CACNA2D3: variants seen among roughly 807,000 people sequenced by gnomAD.
CACNA2D3 encodes the protein voltage-dependent calcium channel subunit alpha-2/delta-3.
CACNA2D3 carries 60 observed loss-of-function variants against 160.6 expected under a neutral mutation model. The ratio of observed to expected loss-of-function variants is 0.37; its 90% CI spans 0.30 to 0.46. The LOEUF (loss-of-function observed/expected upper bound fraction) is 0.46. Ranked by LOEUF, CACNA2D3 falls within the 20% of genes least tolerant of loss-of-function variation. The pLI is 1.00. For missense variants in CACNA2D3, 1,205 were observed against 1,365.0 expected (o/e 0.88, Z 1.85); for synonymous variants, 558 against 492.9 (o/e 1.13, Z -1.75).
intron 17 of CACNA2D3, among the ~76,000 whole-genome samples, chr3:54,856,742 T>C (rs1699180043): frequency 6.6e-6 from 1 of 152,174 alleles, no homozygotes; most frequent in Non-Finnish European, 1.5e-5. Flanking sequence ...AGTTAGATGG[T>C]CAGGGAGACC....
chr3:54,694,134 C>CA (rs1700617919), intron 11 of CACNA2D3, among the ~76,000 whole-genome samples: 1 of 152,180 alleles, frequency 6.6e-6, no homozygotes, highest in African/African-American at 2.4e-5. Context: ...GTGCCCTATA[C>CA]AGGAGTTCCA....
At chr3:54,559,678 A>G (rs1045350270) in intron 5 of CACNA2D3, among the ~76,000 whole-genome samples, 1 of 152,144 alleles carries the variant, frequency 6.6e-6, no homozygotes, top group African/African-American at 2.4e-5. Context: ...CGTACAGATT[A>G]TTTCATCACT....
At position 54,250,089 on chromosome 3, in the gene CACNA2D3, C is replaced by G. The variant is rs1041792072; in HGVS notation, c.205-70353C>G. Among the ~76,000 whole-genome samples, 4 of 152,076 alleles carry G rather than the reference C, an allele frequency of 2.6e-5. No homozygotes were observed. In the East Asian group the frequency reaches 5.8e-4, roughly 22 times the overall value. ...TGGAAAGTAGCTGTGATCAACTAGCCCATTTAGTGTCATTGCCGCAGTTTT... is the reference window on the plus strand; with the variant it reads ...TGGAAAGTAGCTGTGATCAACTAGCGCATTTAGTGTCATTGCCGCAGTTTT... On this transcript the variant is annotated intron_variant, in intron 2 of 37. Transcript: ENST00000474759.
At chr3:54,717,514 G>A (rs572447197) in intron 11 of CACNA2D3, among the ~76,000 whole-genome samples, 8 of 150,890 alleles carry the variant, frequency 5.3e-5, no homozygotes, top group East Asian at 2.0e-4. Flanking sequence ...CTGTGTATGC[G>A]TGTGTGTGTG....
At chr3:54,315,192 T>C (rs1014691529) in intron 2 of CACNA2D3, among the ~76,000 whole-genome samples, 1 of 152,166 alleles carries the variant, frequency 6.6e-6, no homozygotes, top group Non-Finnish European at 1.5e-5. Context: ...TAATTTCTAA[T>C]TGAGGTTCCA....
At chr3:54,166,429 T>C (rs2359784) in intron 2 of CACNA2D3, among the ~76,000 whole-genome samples, 128,038 of 152,220 alleles carry the variant, frequency 0.84, 54,525 homozygotes, top group East Asian at 1. Context: ...AAATTACCCT[T>C]CTGTCCAGAG....
chr3:54,432,769 T>C (rs1700008588), intron 4 of CACNA2D3, among the ~76,000 whole-genome samples: 2 of 152,198 alleles, frequency 1.3e-5, no homozygotes, highest in Non-Finnish European at 2.9e-5. Context: ...CTGGATTCAG[T>C]GTATTTTAAT....
chr3:54,687,801 C>CT (rs899214019), intron 11 of CACNA2D3, among the ~76,000 whole-genome samples: 1 of 152,288 alleles, frequency 6.6e-6, no homozygotes, highest in Non-Finnish European at 1.5e-5. Context: ...TAGTGCAGAG[C>CT]TTTGCAAGCT....
intron 11 of CACNA2D3, among the ~76,000 whole-genome samples, chr3:54,676,909 C>T (rs1363521695): frequency 6.6e-6 from 1 of 152,146 alleles, no homozygotes; most frequent in Non-Finnish European, 1.5e-5. Context: ...AATTTTTTGG[C>T]ACCAAGTAGG....
intron 11 of CACNA2D3, among the ~76,000 whole-genome samples, chr3:54,739,751 ATGTGTGTG>A (rs5849058): frequency 0.067 from 9,732 of 145,854 alleles, 348 homozygotes; most frequent in Non-Finnish European, 0.078. Flanking sequence ...CTCCTCATAT[ATGTGTGTG>A]TGTGTGTGTG....
At chr3:54,267,956 A>C (rs961197228) in intron 2 of CACNA2D3, among the ~76,000 whole-genome samples, 3 of 152,158 alleles carry the variant, frequency 2.0e-5, no homozygotes, top group Non-Finnish European at 4.4e-5. Flanking sequence ...GTTTTTTTGT[A>C]ATGTTTAAAA....
intron 34 of CACNA2D3, among the ~76,000 whole-genome samples, chr3:55,013,989 G>A (rs1295338960): frequency 2.0e-5 from 3 of 152,168 alleles, no homozygotes; most frequent in African/African-American, 7.2e-5. Context: ...TGACATCGGT[G>A]TAACTGGGAT....
intron 2 of CACNA2D3, among the ~76,000 whole-genome samples, chr3:54,244,540 C>G: frequency 6.6e-6 from 1 of 152,138 alleles, no homozygotes; most frequent in East Asian, 1.9e-4. Flanking sequence ...GCCTCTTGAT[C>G]TGGGGTAATG....
At chr3:54,969,738 G>A (rs1188315333) in intron 28 of CACNA2D3, 62 bp from the exon 29 acceptor site, 9 of 1,432,470 alleles carry the variant, frequency 6.3e-6, no homozygotes, top group Non-Finnish European at 8.8e-6. Flanking sequence ...GGCAGCCACA[G>A]CAGGCACTGG....
chr3:54,271,219 T>A (rs1702616099), intron 2 of CACNA2D3, among the ~76,000 whole-genome samples: 1 of 152,060 alleles, frequency 6.6e-6, no homozygotes, highest in Admixed American at 6.6e-5. Flanking sequence ...GCTCTTGGGG[T>A]CATACTGTTT....
At chr3:54,648,179 C>T (rs917991243) in intron 11 of CACNA2D3, among the ~76,000 whole-genome samples, 1 of 152,196 alleles carries the variant, frequency 6.6e-6, no homozygotes, top group Non-Finnish European at 1.5e-5. Context: ...GTCCATGTGC[C>T]AAATCTGGCC....
chr3:55,052,308 T>C (rs1245906561), intron 35 of CACNA2D3, among the ~76,000 whole-genome samples: 5 of 152,140 alleles, frequency 3.3e-5, no homozygotes. Context: ...TTTGTATAAT[T>C]TTAATTCTTT....
intron 3 of CACNA2D3, among the ~76,000 whole-genome samples, chr3:54,363,623 A>C (rs1698781486): frequency 6.6e-6 from 1 of 152,178 alleles, no homozygotes; most frequent in Non-Finnish European, 1.5e-5. Flanking sequence ...CCCAATGAGC[A>C]TGCCTGTGTC....
chr3:54,630,471 A>G (rs1452750418), intron 10 of CACNA2D3, among the ~76,000 whole-genome samples: 1 of 152,208 alleles, frequency 6.6e-6, no homozygotes, highest in Non-Finnish European at 1.5e-5. Context: ...GTTGTGGTCA[A>G]GGTGAGGAGA....
Sources: allele counts gnomAD v4.1 joint callset (sites outside exome capture counted in the v4.1 genomes callset), GRCh38; gene constraint gnomAD v4.1.1; transcripts MANE v1.5; gene names NCBI Gene and HGNC (gene_info 2026-07-23, HGNC 2026-07-21).